The following RIT2 variants were observed in gnomAD, a reference collection of about 807,000 sequenced individuals.
The protein encoded by RIT2 is Ras like without CAAX 2.
In RIT2, 24 loss-of-function variants were observed where a neutral mutation model predicts 23.7. The observed-to-expected ratio is 1.01, with a 90% CI of 0.73 to 1.43. RIT2 has a LOEUF of 1.43. Among genes scored for constraint, RIT2 ranks in the 40% most tolerant of loss-of-function variants. RIT2 has a pLI of 0.00. For synonymous variants in RIT2, 107 were observed against 91.1 expected, an observed-to-expected ratio of 1.17 and a Z score of -0.99; for missense variants, 236 against 266.9, an observed-to-expected ratio of 0.88 and a Z score of 0.81.
Position 43,115,442 on chromosome 18 carries a change from C to T in RIT2, c.78G>A (p.Leu26=). Residue 26 remains leucine, a synonymous_variant, in exon 1 of 5, where the codon CTG becomes CTA. Transcript: ENST00000326695. ...CGCTTTTACCAACTCCCCCTGCTCC[C>T]AGCATTACCACCTTGTACTCTCTGG... ...GGSREYKVVM[L]GAGGVGKSAM... The T allele has an allele frequency of 6.2e-7, 1 of 1,613,430 alleles. No homozygotes were observed. The highest frequency in any genetic ancestry group is 1.3e-5 in the African/African-American group (1 of 74,964).
At chr18:42,952,249 G>A (rs1386467420) in intron 3 of RIT2, among the ~76,000 whole-genome samples, 1 of 152,098 alleles carries the variant, frequency 6.6e-6, no homozygotes, top group Non-Finnish European at 1.5e-5. Flanking sequence ...GAACATTGAG[G>A]ACATTATAAT....
chr18:42,893,191 A>G lies in RIT2; in HGVS notation c.426+30381T>C, dbSNP rs1908228372. 1.4e-5 allele frequency among the ~76,000 whole-genome samples: 2 copies of G among 143,838 alleles called. 1 individual carries two copies. Among genetic ancestry groups the G allele is most frequent in the South Asian group, 4.4e-4 (2 of 4,530 alleles). 94.4% of individuals were successfully genotyped at this position (143,838 alleles called of 152,430 possible). Reference sequence around the variant, plus strand: ...TACAGTGAGCCAAGATCGCCACTGCACTCCAGCCTGGGAAACAGAGCGAGA... The same window carrying G: ...TACAGTGAGCCAAGATCGCCACTGCGCTCCAGCCTGGGAAACAGAGCGAGA... On this transcript the variant is annotated intron_variant, in intron 4 of 4. Coordinates refer to ENST00000326695, the MANE Select transcript of RIT2 (RefSeq NM_002930.4).
At chr18:43,017,196 G>A (rs1040274721) in intron 2 of RIT2, among the ~76,000 whole-genome samples, 4 of 151,854 alleles carry the variant, frequency 2.6e-5, no homozygotes, top group Non-Finnish European at 5.9e-5. Flanking sequence ...ACACAAATTG[G>A]GAGAGGCAAA....
At chr18:43,109,869 C>T (rs1050162091) in intron 1 of RIT2, among the ~76,000 whole-genome samples, 3 of 152,106 alleles carry the variant, frequency 2.0e-5, no homozygotes, top group African/African-American at 7.2e-5. Context: ...CAAGATGTGT[C>T]CTAGGGACCA....
chr18:43,011,698 CCT>C (rs1414914580), intron 2 of RIT2, among the ~76,000 whole-genome samples: 3 of 151,658 alleles, frequency 2.0e-5, no homozygotes. Context: ...TGTTCACTTC[CCT>C]CTGTCATAAA....
At position 43,113,814 on chromosome 18, in the gene RIT2, G is replaced by A. The variant is rs191543950; in HGVS notation, c.103+1603C>T. 1.9e-4 allele frequency among the ~76,000 whole-genome samples: 29 copies of A among 152,224 alleles called. No individual in the cohort carries two copies. The East Asian group carries it at 5.2e-3, about 27-fold the overall frequency. ...AAGCAATACAGAGGCACATTATTGC[G>A]ACAATTTCAGCATCTCCCTGACCTC... On this transcript the variant is annotated intron_variant, in intron 1 of 4. Coordinates refer to ENST00000326695, the MANE Select transcript of RIT2 (RefSeq NM_002930.4).
At chr18:42,914,691 G>C (rs891357059) in intron 4 of RIT2, among the ~76,000 whole-genome samples, 1 of 151,934 alleles carries the variant, frequency 6.6e-6, no homozygotes, top group African/African-American at 2.4e-5. Flanking sequence ...TGAGTGTCTT[G>C]ATTATGCTGG....
chr18:43,070,248 T>C lies in RIT2; in HGVS notation c.104-36381A>G, dbSNP rs547751253. 2.3e-4 allele frequency among the ~76,000 whole-genome samples: 35 copies of C among 152,256 alleles called. No homozygotes were observed. The East Asian group carries it at 6.6e-3, about 29-fold the overall frequency. On this transcript the variant is annotated intron_variant, in intron 1 of 4. Transcript: ENST00000326695. ...AGACAATATGGGTTAGAGGAATTGG[T>C]AACCAACAGATTACAATCATTTCAC...
intron 1 of RIT2, among the ~76,000 whole-genome samples, chr18:43,087,738 A>T (rs1040912314): frequency 5.9e-5 from 9 of 152,052 alleles, no homozygotes; most frequent in African/African-American, 9.7e-5. Context: ...AATAGTCATA[A>T]GTTTATTGAA....
intron 4 of RIT2, among the ~76,000 whole-genome samples, chr18:42,819,687 T>C (rs908876090): frequency 2.6e-5 from 4 of 152,144 alleles, no homozygotes; most frequent in Non-Finnish European, 4.4e-5. Context: ...TTTACAAACA[T>C]GTACAACTGT....
At chr18:42,900,003 A>G (rs1253521989) in intron 4 of RIT2, among the ~76,000 whole-genome samples, 1 of 152,110 alleles carries the variant, frequency 6.6e-6, no homozygotes, top group Non-Finnish European at 1.5e-5. Context: ...ATTTAAAAAC[A>G]ATTAATAAAA....
intron 2 of RIT2, among the ~76,000 whole-genome samples, chr18:42,985,123 G>A (rs1910681555): frequency 6.6e-6 from 1 of 152,012 alleles, no homozygotes; most frequent in Non-Finnish European, 1.5e-5. Context: ...TTATTTGTGA[G>A]TATAAGAAAC....
chr18:43,085,130 A>T (rs147617387), intron 1 of RIT2, among the ~76,000 whole-genome samples: 3 of 152,100 alleles, frequency 2.0e-5, no homozygotes, highest in African/African-American at 7.2e-5. Context: ...TATCTTTTTA[A>T]AAGTATTTAT....
At chr18:42,944,809 T>C (rs961655366) in intron 3 of RIT2, among the ~76,000 whole-genome samples, 1 of 152,146 alleles carries the variant, frequency 6.6e-6, no homozygotes, top group Non-Finnish European at 1.5e-5. Context: ...TTTAGATTAA[T>C]ACTCAAAGAT....
chr18:42,814,414 G>A (rs1046864156), intron 4 of RIT2, among the ~76,000 whole-genome samples: 6 of 152,166 alleles, frequency 3.9e-5, no homozygotes, highest in African/African-American at 1.4e-4. Context: ...TTTGGATTGT[G>A]TGGGAGCTAG....
At chr18:42,747,239 C>CTATA (rs1912939238) in intron 4 of RIT2, among the ~76,000 whole-genome samples, 1 of 151,926 alleles carries the variant, frequency 6.6e-6, no homozygotes, top group Admixed American at 6.6e-5. Context: ...AGTAGCTCTG[C>CTATA]TATATACCAA....
chr18:42,913,473 A>G (rs1908824736), intron 4 of RIT2, among the ~76,000 whole-genome samples: 3 of 152,044 alleles, frequency 2.0e-5, no homozygotes, highest in South Asian at 2.1e-4. Flanking sequence ...TCCAAGTCAC[A>G]TATCTACAAA....
chr18:42,979,307 G>GA (rs1396508745), intron 2 of RIT2, among the ~76,000 whole-genome samples: 2 of 151,280 alleles, frequency 1.3e-5, no homozygotes, highest in African/African-American at 4.9e-5. Context: ...ATATAACTAA[G>GA]AAAAAAATAT....
chr18:42,761,282 TC>T (rs2143900107), intron 4 of RIT2, among the ~76,000 whole-genome samples: 1 of 152,332 alleles, frequency 6.6e-6, no homozygotes, highest in South Asian at 2.1e-4. Context: ...TTACAGGTTT[TC>T]TAAAGTAACT....
Sources: gnomAD v4.1 joint callset for allele counts (sites outside exome capture counted in the v4.1 genomes callset) on GRCh38, gnomAD v4.1.1 for gene constraint, MANE v1.5 for transcripts, NCBI Gene and HGNC (gene_info 2026-07-23, HGNC 2026-07-21) for gene names.